Variants in EPN2 observed in about 807,000 individuals in gnomAD.
EPN2 encodes epsin 2.
Under a neutral mutation model 61.7 loss-of-function variants are expected in EPN2, and 34 were observed. The ratio of observed to expected loss-of-function variants is 0.55; its 90% CI spans 0.42 to 0.73. The LOEUF (loss-of-function observed/expected upper bound fraction) is 0.73, where lower values mean the gene tolerates loss of function less well. Among genes scored for constraint, EPN2 ranks in the 30% least tolerant of loss-of-function variants. The pLI is 0.00. For synonymous variants in EPN2, 349 were observed against 353.6 expected (o/e 0.99, Z 0.15); for missense variants, 714 against 839.2 (o/e 0.85, Z 1.84).
At chr17:19,312,969 C>G in intron 6 of EPN2, 136 bp from the exon 7 acceptor site, 3 of 865,312 alleles carry the variant, frequency 3.5e-6, no homozygotes, top group Non-Finnish European at 5.3e-6. Flanking sequence ...GGCTCAGTTT[C>G]CAAGTTCTTC....
At chr17:19,288,631 G>C (rs2045428267) in intron 4 of EPN2, among the ~76,000 whole-genome samples, 1 of 152,142 alleles carries the variant, frequency 6.6e-6, no homozygotes, top group Non-Finnish European at 1.5e-5. Flanking sequence ...ATGAGTGACG[G>C]AGCATGGCCA....
chr17:19,293,028 A>G (rs1353353724), intron 4 of EPN2, among the ~76,000 whole-genome samples: 1 of 152,226 alleles, frequency 6.6e-6, no homozygotes, highest in African/African-American at 2.4e-5. Context: ...TACAATTTTA[A>G]AATTATATGG....
intron 1 of EPN2, among the ~76,000 whole-genome samples, chr17:19,264,758 C>T (rs1201161526): frequency 1.3e-5 from 2 of 152,008 alleles, no homozygotes; most frequent in African/African-American, 4.8e-5. Context: ...GGGCTGGACT[C>T]GGTGCCCTGT....
chr17:19,262,186 A>G (rs1443502909), intron 1 of EPN2, among the ~76,000 whole-genome samples: 2 of 150,030 alleles, frequency 1.3e-5, no homozygotes, highest in Non-Finnish European at 3.0e-5. Context: ...GACTCCATCT[A>G]AAAAAAAACA....
At chr17:19,248,602 G>A (rs918961570) in intron 1 of EPN2, 7 of 152,190 alleles carry the variant, frequency 4.6e-5, no homozygotes, top group Non-Finnish European at 8.8e-5. Context: ...GCATGTCACA[G>A]TGTCATTGTA....
chr17:19,267,540 C>A (rs575676106), intron 1 of EPN2, among the ~76,000 whole-genome samples: 11 of 141,030 alleles, frequency 7.8e-5, no homozygotes, highest in African/African-American at 2.6e-4. Flanking sequence ...AGTAGAGCAG[C>A]TTTTTTTTTT....
At chr17:19,278,145 A>G (rs571092846) in intron 1 of EPN2, among the ~76,000 whole-genome samples, 20 of 150,952 alleles carry the variant, frequency 1.3e-4, no homozygotes, top group Middle Eastern at 3.4e-3. Flanking sequence ...TTGTTTGTTT[A>G]TTTATTTATT....
In EPN2 at chr17:19,283,746, C is replaced by A. The variant is rs1422152750; in HGVS notation, c.595+32C>A. On this transcript the variant is annotated intron_variant, in intron 3 of 10. Transcript: ENST00000314728. The surrounding 1 kb of genome is among the most constrained non-coding windows in gnomAD (Gnocchi z 7.0). ...AATGGAAGTGCTTCTCACCCTTTGC[C>A]AGAGCAGCAGCAATGGGTGACAGGC... 6.8e-7 allele frequency: 1 copy of A among 1,477,234 alleles called. No homozygotes were observed. The highest frequency in any genetic ancestry group is 2.3e-5 in the East Asian group (1 of 42,806). The allele number at this position is 1,477,234 out of a possible 1,614,324, so 91.5% of individuals were successfully genotyped here.
At chr17:19,291,538 C>T (rs1304069716) in intron 4 of EPN2, among the ~76,000 whole-genome samples, 2 of 151,004 alleles carry the variant, frequency 1.3e-5, no homozygotes, top group African/African-American at 2.4e-5. Context: ...CCTGGGTTCA[C>T]GCCGTTCTCC....
At chr17:19,243,553 C>T (rs1009085767) in intron 1 of EPN2, among the ~76,000 whole-genome samples, 10 of 151,866 alleles carry the variant, frequency 6.6e-5, no homozygotes, top group Admixed American at 2.0e-4. Context: ...CCACCACACC[C>T]GGCTAATTTT....
chr17:19,289,791 A>T (rs2045445091), intron 4 of EPN2, among the ~76,000 whole-genome samples: 1 of 120,794 alleles, frequency 8.3e-6, no homozygotes, highest in Non-Finnish European at 1.6e-5. Flanking sequence ...TAGTGGGGTG[A>T]TCTGGGCTCA....
At chr17:19,298,091 G>A (rs1240288631) in intron 4 of EPN2, among the ~76,000 whole-genome samples, 1 of 151,990 alleles carries the variant, frequency 6.6e-6, no homozygotes, top group Non-Finnish European at 1.5e-5. Context: ...GGCCAGACTG[G>A]TCTTGAACTC....
At chr17:19,325,953 T>A (rs4924983) in intron 7 of EPN2, among the ~76,000 whole-genome samples, 1 of 152,226 alleles carries the variant, frequency 6.6e-6, no homozygotes, top group Non-Finnish European at 1.5e-5. Flanking sequence ...ACAAAAGTTT[T>A]TCTGCATAAC....
chr17:19,283,803 G>A lies in EPN2; in HGVS notation c.595+89G>A. ...GGTGTCTCTGGGCTTAGGGAGTGGTGGCCACTGCAGAGCTCGAACCTGTCC... is the reference window on the plus strand; with the variant it reads ...GGTGTCTCTGGGCTTAGGGAGTGGTAGCCACTGCAGAGCTCGAACCTGTCC... On this transcript the variant is annotated intron_variant, in intron 3 of 10. Transcript: ENST00000314728. This position sits in a 1 kb window ranked among gnomAD's most constrained non-coding sequence, Gnocchi z 7.0. 1 of 973,460 alleles carries A rather than the reference G, an allele frequency of 1.0e-6. No homozygotes were observed. The highest frequency in any genetic ancestry group is 1.5e-6 in the Non-Finnish European group (1 of 675,118). The allele number at this position is 973,460 out of a possible 1,614,324, so 60.3% of individuals were successfully genotyped here. A position where few individuals can be genotyped will look rare whatever the true frequency, so the allele number is the denominator to read the frequency against.
chr17:19,256,754 G>A (rs1015084526), intron 1 of EPN2, among the ~76,000 whole-genome samples: 21 of 152,272 alleles, frequency 1.4e-4, no homozygotes, highest in African/African-American at 5.1e-4. Context: ...CCATGGGCCT[G>A]TCTAATGGTG....
chr17:19,294,524 C>G (rs889735467), intron 4 of EPN2, among the ~76,000 whole-genome samples: 2 of 152,142 alleles, frequency 1.3e-5, no homozygotes. Flanking sequence ...TTTAAGGATC[C>G]TTTGTAGTAT....
chr17:19,320,572 C>T (rs1906593191), intron 7 of EPN2, among the ~76,000 whole-genome samples: 1 of 152,208 alleles, frequency 6.6e-6, no homozygotes, highest in Non-Finnish European at 1.5e-5. Context: ...AGGCCCACCC[C>T]AGAATCTGTG....
chr17:19,291,799 A>G (rs1412466061), intron 4 of EPN2, among the ~76,000 whole-genome samples: 4 of 152,136 alleles, frequency 2.6e-5, no homozygotes, highest in Non-Finnish European at 4.4e-5. Context: ...GCGCTGTTTC[A>G]TGAGTATGTC....
chr17:19,334,256 G>T lies in EPN2; in HGVS notation c.*2G>T, dbSNP rs752173474. ...ACAACCAACCCTTTCCTTCTCTAGT[G>T]CCTGGGCCTGGGACCCACCCAGAGC... is the stretch of plus-strand genomic sequence containing the variant. On this transcript the variant is annotated 3_prime_UTR_variant, in exon 11 of 11. Transcript: ENST00000314728. The surrounding 1 kb of genome is among the most constrained non-coding windows in gnomAD (Gnocchi z 4.9). The T allele has an allele frequency of 2.8e-6, 4 of 1,445,424 alleles. No homozygotes were observed. Among genetic ancestry groups the T allele is most frequent in the Admixed American group, 2.4e-5 (1 of 41,052 alleles). 89.5% of individuals were successfully genotyped at this position (1,445,424 alleles called of 1,614,324 possible).
Sources: gnomAD v4.1 joint callset for allele counts (sites outside exome capture counted in the v4.1 genomes callset) on GRCh38, gnomAD v4.1.1 for gene constraint, Gnocchi (gnomAD v3.1) non-coding constraint, MANE v1.5 for transcripts, NCBI Gene and HGNC (gene_info 2026-07-23, HGNC 2026-07-21) for gene names.